The following CA8 variants were observed in gnomAD, a reference collection of about 807,000 sequenced individuals.
CA8 encodes the protein carbonic anhydrase 8 (inactive), also known as carbonic anhydrase-related protein.
A neutral mutation model predicts 41.4 loss-of-function variants in CA8; 22 were observed. The ratio of observed to expected loss-of-function variants is 0.53; its 90% confidence interval spans 0.38 to 0.76. The LOEUF is 0.76. Among genes scored for constraint, CA8 ranks in the 30% least tolerant of loss-of-function variants. The probability of loss-of-function intolerance (pLI) is 0.00; values close to 1 mark genes in which losing one functional copy is unlikely to be tolerated. For synonymous variants in CA8, 121 were observed against 130.6 expected (o/e 0.93, Z 0.50); for missense variants, 270 against 352.8 (o/e 0.77, Z 1.88).
At chr8:60,198,207 T>C (rs898765872) in intron 8 of CA8, among the ~76,000 whole-genome samples, 2 of 152,198 alleles carry the variant, frequency 1.3e-5, no homozygotes, top group African/African-American at 4.8e-5. Flanking sequence ...TTTAGCAAGT[T>C]ACTCAACGCA....
chr8:60,202,443 C>T lies in CA8; in HGVS notation c.*35+6307G>A, dbSNP rs142962346. ...TGAAATGAGACATATATGAACCGCA[C>T]CTCATAGTTCTTGGCACTCTATGGC... On this transcript the variant is annotated intron_variant, in intron 8 of 8. Coordinates refer to ENST00000317995, the MANE Select transcript of CA8 (RefSeq NM_004056.6). Among the ~76,000 whole-genome samples the T allele has an allele frequency of 3.9e-3, 589 of 152,150 alleles. 4 individuals carry two copies. Among genetic ancestry groups the T allele is most frequent in the African/African-American group, 0.013 (547 of 41,506 alleles).
chr8:60,265,757 T>C, intron 3 of CA8, 168 bp downstream of exon 3: 2 of 715,912 alleles, frequency 2.8e-6, no homozygotes, highest in Non-Finnish European at 2.3e-6. Context: ...ACAGGAGGTT[T>C]CATGTGCTGC....
chr8:60,280,648 C>T (rs6998745), intron 1 of CA8, among the ~76,000 whole-genome samples: 67,392 of 152,122 alleles, frequency 0.44, 15,490 homozygotes, highest in African/African-American at 0.57. Context: ...CCCAAAGTCT[C>T]CAAGCCAAAA....
chr8:60,250,473 G>A (rs1383510723), intron 3 of CA8, among the ~76,000 whole-genome samples: 3 of 152,116 alleles, frequency 2.0e-5, no homozygotes, highest in Non-Finnish European at 4.4e-5. Flanking sequence ...AACAATCAAA[G>A]CTCGGTAAGC....
chr8:60,190,575 T>C (rs539152509), intron 8 of CA8, among the ~76,000 whole-genome samples: 3 of 149,722 alleles, frequency 2.0e-5, no homozygotes, highest in Admixed American at 1.3e-4. Context: ...CTTTTTGATG[T>C]TGAACTAGCA....
intron 3 of CA8, among the ~76,000 whole-genome samples, chr8:60,263,888 C>T (rs1450528104): frequency 2.0e-5 from 3 of 152,212 alleles, no homozygotes; most frequent in Admixed American, 1.3e-4. Flanking sequence ...GGATAGAGCA[C>T]TAAGTGAACA....
intron 3 of CA8, among the ~76,000 whole-genome samples, chr8:60,241,043 A>T (rs1291233539): frequency 6.6e-6 from 1 of 152,220 alleles, no homozygotes; most frequent in Admixed American, 6.5e-5. Flanking sequence ...TAACAGAGAA[A>T]GCACCATCTC....
At chr8:60,232,537 T>TATGA in intron 3 of CA8, 158 bp from the exon 4 acceptor site, 1 of 694,380 alleles carries the variant, frequency 1.4e-6, no homozygotes, top group Non-Finnish European at 2.6e-6. Context: ...GAGTTCTCTG[T>TATGA]ATGAATTCCT....
intron 3 of CA8, among the ~76,000 whole-genome samples, chr8:60,247,997 A>G (rs1177420167): frequency 2.6e-5 from 4 of 152,014 alleles, no homozygotes; most frequent in Non-Finnish European, 5.9e-5. Flanking sequence ...GCGTTTCTCT[A>G]ATGATCAGTG....
Position 60,279,842 on chromosome 8 carries a change from C to T in CA8, c.139G>A (p.Glu47Lys). 6.2e-7 allele frequency: 1 copy of T among 1,613,520 alleles called. No individual in the cohort carries two copies. Among genetic ancestry groups the T allele is most frequent in the Non-Finnish European group, 8.5e-7 (1 of 1,179,786 alleles). Residue 47 changes from glutamate to lysine, a missense_variant, in exon 2 of 9, where the codon GAA (glutamate) becomes AAA (lysine). Physicochemically the swap from Glu to Lys is moderately conservative, Grantham distance 56. Coordinates refer to ENST00000317995, the MANE Select transcript of CA8 (RefSeq NM_004056.6). ...WGLVFPDANG[E>K]YQSPINLNSR... ...TTTAGGTTAATAGGAGACTGGTATT[C>T]CCCATTAGCATCAGGAAACACCAGA...
At chr8:60,277,340 C>T (rs1038725788) in intron 2 of CA8, among the ~76,000 whole-genome samples, 1 of 151,708 alleles carries the variant, frequency 6.6e-6, no homozygotes, top group East Asian at 1.9e-4. Context: ...GAACCACAGG[C>T]AGAAAGAGTA....
intron 2 of CA8, among the ~76,000 whole-genome samples, chr8:60,279,477 C>T (rs1015179625): frequency 5.3e-5 from 8 of 152,120 alleles, no homozygotes; most frequent in African/African-American, 1.9e-4. Context: ...GCAGAACAAC[C>T]GACTGATAAT....
intron 8 of CA8, among the ~76,000 whole-genome samples, chr8:60,190,437 A>ATT: frequency 2.1e-4 from 1 of 4,864 alleles, no homozygotes; most frequent in African/African-American, 6.8e-4. Context: ...TGCAGAATAT[A>ATT]TATATATATA....
intron 8 of CA8, among the ~76,000 whole-genome samples, chr8:60,198,745 A>T (rs576339559): frequency 1.3e-5 from 2 of 152,318 alleles, no homozygotes; most frequent in South Asian, 4.1e-4. Context: ...TAATGAGAGA[A>T]GGTTTGTATT....
At chr8:60,276,192 A>C (rs1804227745) in intron 2 of CA8, among the ~76,000 whole-genome samples, 1 of 152,198 alleles carries the variant, frequency 6.6e-6, no homozygotes, top group African/African-American at 2.4e-5. Flanking sequence ...GATCTAACAC[A>C]GGAGACAAAC....
Position 60,281,199 on chromosome 8 carries a change from G to A in CA8, c.-52C>T. 7.5e-7 allele frequency: 1 copy of A among 1,330,468 alleles called. No individual in the cohort carries two copies. Among genetic ancestry groups the A allele is most frequent in the Non-Finnish European group, 1.0e-6 (1 of 955,344 alleles). The allele number at this position is 1,330,468 out of a possible 1,614,324, so 82.4% of individuals were successfully genotyped here. A position where few individuals can be genotyped will look rare whatever the true frequency, so the allele number is the denominator to read the frequency against. ...TCTCGGCAGCAGTGCCTGCGCCTTC[G>A]CTGGGCGCGGGGCTGGAGCCGGAGC... is the stretch of plus-strand genomic sequence containing the variant. On this transcript the variant is annotated 5_prime_UTR_variant, in exon 1 of 9. Transcript: ENST00000317995.
At chr8:60,217,310 TC>T (rs1254109108) in intron 7 of CA8, among the ~76,000 whole-genome samples, 5 of 152,336 alleles carry the variant, frequency 3.3e-5, no homozygotes, top group Admixed American at 6.5e-5. Context: ...CTATAATCTC[TC>T]CTTGTGGCTA....
At chr8:60,208,117 T>C (rs1385540136) in intron 8 of CA8, 1 of 152,458 alleles carries the variant, frequency 6.6e-6, no homozygotes, top group Non-Finnish European at 1.5e-5. Context: ...TGATATTTTA[T>C]TTTGTTAGTT....
chr8:60,191,028 A>G (rs939593326), intron 8 of CA8, among the ~76,000 whole-genome samples: 1 of 150,870 alleles, frequency 6.6e-6, no homozygotes, highest in African/African-American at 2.4e-5. Flanking sequence ...AATGTCTGGA[A>G]AAATTTATTA....
Sources: allele counts gnomAD v4.1 joint callset (sites outside exome capture counted in the v4.1 genomes callset), GRCh38; gene constraint gnomAD v4.1.1; transcripts MANE v1.5; gene names NCBI Gene and HGNC (gene_info 2026-07-23, HGNC 2026-07-21).